SLC6A3: variants seen among roughly 807,000 people sequenced by gnomAD.
The protein encoded by SLC6A3 is sodium-dependent dopamine transporter.
In SLC6A3, 19 loss-of-function variants were observed where a neutral mutation model predicts 70.4. The ratio of observed to expected loss-of-function variants is 0.27; its 90% CI spans 0.19 to 0.40. The LOEUF (loss-of-function observed/expected upper bound fraction) is 0.40, where lower values mean the gene tolerates loss of function less well. Ranked by LOEUF, SLC6A3 falls within the 10% of genes least tolerant of loss-of-function variation. The pLI, the probability that SLC6A3 is intolerant of heterozygous loss-of-function variation, is 1.00. For synonymous variants in SLC6A3, 368 were observed against 356.6 expected (o/e 1.03, Z -0.36); for missense variants, 613 against 838.5 (o/e 0.73, Z 3.32).
At position 1,441,232 on chromosome 5, in the gene SLC6A3, G is replaced by A. The variant is rs1733653303; in HGVS notation, c.418+127C>T. 14 of 1,128,100 alleles carry A rather than the reference G, an allele frequency of 1.2e-5. No individual in the cohort carries two copies. In the South Asian group the frequency reaches 1.6e-4, roughly 13 times the overall value. The allele number at this position is 1,128,100 out of a possible 1,614,324, so 69.9% of individuals were successfully genotyped here. A position where few individuals can be genotyped will look rare whatever the true frequency, so the allele number is the denominator to read the frequency against. On this transcript the variant is annotated intron_variant, in intron 3 of 14. Transcript: ENST00000270349. ...GGTGGGACCCAAGTTCAAGTGGCGTGTGCCATGCCTGTGTCTTAGCAAAGC... is the reference window on the plus strand; with the variant it reads ...GGTGGGACCCAAGTTCAAGTGGCGTATGCCATGCCTGTGTCTTAGCAAAGC...
At chr5:1,414,619 G>T in intron 8 of SLC6A3, 72 bp downstream of exon 8, 1 of 1,569,228 alleles carries the variant, frequency 6.4e-7, no homozygotes, top group South Asian at 1.1e-5. Context: ...CTTTCACAAG[G>T]AAAAAGGCTT....
rs956755066 is a variant in SLC6A3 at position 1,437,047 on chromosome 5, C to T, written c.418+4312G>A. On this transcript the variant is annotated intron_variant, in intron 3 of 14. Transcript: ENST00000270349. The surrounding 1 kb of genome is among the most constrained non-coding windows in gnomAD (Gnocchi z 4.8). ...CAGGCGGATCATGAGGTCAGGCAAT[C>T]GAGACCATCCTGGCTAACACGATGA... Among the ~76,000 whole-genome samples the T allele has an allele frequency of 1.3e-5, 2 of 152,040 alleles. No individual in the cohort carries two copies. Among genetic ancestry groups the T allele is most frequent in the African/African-American group, 4.8e-5 (2 of 41,408 alleles).
chr5:1,416,380 C>A, intron 6 of SLC6A3, 179 bp from the exon 7 acceptor site: 1 of 649,824 alleles, frequency 1.5e-6, no homozygotes, highest in Admixed American at 2.3e-5. Flanking sequence ...TGAACCCTCC[C>A]GGGCCAGCGG....
At chr5:1,431,799 GAGA>G (rs1392671476) in intron 4 of SLC6A3, among the ~76,000 whole-genome samples, 1 of 152,176 alleles carries the variant, frequency 6.6e-6, no homozygotes, top group Non-Finnish European at 1.5e-5. Context: ...AGGGCAAAGG[GAGA>G]AGGAGACAGA....
chr5:1,400,601 C>T (rs956271617), intron 14 of SLC6A3, among the ~76,000 whole-genome samples: 1 of 152,176 alleles, frequency 6.6e-6, no homozygotes, highest in Non-Finnish European at 1.5e-5. Flanking sequence ...TGGTCCTTAA[C>T]CTGGCTCAGC....
At chr5:1,400,373 C>T (rs1045840876) in intron 14 of SLC6A3, among the ~76,000 whole-genome samples, 21 of 152,174 alleles carry the variant, frequency 1.4e-4, no homozygotes, top group Admixed American at 3.9e-4. Context: ...TGCACCTGCT[C>T]CACGGCATGT....
At chr5:1,415,771 TG>T (rs1205471805) in intron 7 of SLC6A3, among the ~76,000 whole-genome samples, 1 of 151,894 alleles carries the variant, frequency 6.6e-6, no homozygotes, top group African/African-American at 2.4e-5. Flanking sequence ...GGGGCTGGTG[TG>T]AGGGAAGAGG....
At chr5:1,395,979 C>A (rs908810576) in intron 14 of SLC6A3, among the ~76,000 whole-genome samples, 5 of 152,198 alleles carry the variant, frequency 3.3e-5, no homozygotes, top group Non-Finnish European at 5.9e-5. Flanking sequence ...AGAAACCAGA[C>A]CTCAATTTGA....
At chr5:1,439,775 C>T (rs1041095681) in intron 3 of SLC6A3, among the ~76,000 whole-genome samples, 7 of 152,232 alleles carry the variant, frequency 4.6e-5, no homozygotes, top group African/African-American at 1.7e-4. Flanking sequence ...ATGCCTGAAT[C>T]CTCCCTGAAC....
At chr5:1,410,311 T>C (rs1268442512) in intron 9 of SLC6A3, among the ~76,000 whole-genome samples, 2 of 152,318 alleles carry the variant, frequency 1.3e-5, no homozygotes, top group Admixed American at 6.5e-5. Context: ...TCCAGGCACC[T>C]GACTCCTGCT....
At position 1,396,556 on chromosome 5, in the gene SLC6A3, G is replaced by A. The variant is rs1004641305; in HGVS notation, c.1840-1798C>T. On this transcript the variant is annotated intron_variant, in intron 14 of 14. Coordinates refer to ENST00000270349, the MANE Select transcript of SLC6A3 (RefSeq NM_001044.5). This position sits in a 1 kb window ranked among gnomAD's most constrained non-coding sequence, Gnocchi z 7.0. ...AGGTGGCTGCAGTTTGCAGGCCAGA[G>A]CGCCAGAGAGGAGGTGGCCACACAG... Among the ~76,000 whole-genome samples, 1 of 152,240 alleles carries A rather than the reference G, an allele frequency of 6.6e-6. No homozygotes were observed. Among genetic ancestry groups the A allele is most frequent in the Non-Finnish European group, 1.5e-5 (1 of 68,046 alleles).
Position 1,441,300 on chromosome 5 carries a change from C to T in SLC6A3, c.418+59G>A, listed in dbSNP as rs956957294. On this transcript the variant is annotated intron_variant, in intron 3 of 14. Coordinates refer to ENST00000270349, the MANE Select transcript of SLC6A3 (RefSeq NM_001044.5). ...ATGCGGCTGGCTTGCTTTGAAAGCT[C>T]CAGCGTCACCACCATGATCCGCGCT... The T allele has an allele frequency of 2.5e-5, 40 of 1,610,232 alleles. No homozygotes were observed. The African/African-American group carries it at 4.5e-4, about 18-fold the overall frequency.
chr5:1,431,048 G>A (rs956917639), intron 4 of SLC6A3, among the ~76,000 whole-genome samples: 3 of 152,036 alleles, frequency 2.0e-5, no homozygotes, highest in African/African-American at 7.2e-5. Context: ...CACTGGATCT[G>A]GGGAGAATCG....
intron 2 of SLC6A3, among the ~76,000 whole-genome samples, 166 bp from the exon 3 acceptor site, chr5:1,441,656 G>A (rs1053787943): frequency 7.9e-5 from 12 of 152,142 alleles, no homozygotes; most frequent in African/African-American, 1.2e-4. Context: ...CCCGAAGCCC[G>A]CCCTCCACTG....
At chr5:1,417,294 G>A (rs562928505) in intron 6 of SLC6A3, among the ~76,000 whole-genome samples, 3 of 151,760 alleles carry the variant, frequency 2.0e-5, no homozygotes, top group South Asian at 2.1e-4. Context: ...TGATGGTGGC[G>A]CCCTGACAAC....
At chr5:1,403,174 G>C (rs541102793) in intron 12 of SLC6A3, 85 bp from the exon 13 acceptor site, 1 of 1,470,486 alleles carries the variant, frequency 6.8e-7, no homozygotes, top group African/African-American at 1.4e-5. Context: ...CTTCATGGCA[G>C]AGCGTCTCTC....
At chr5:1,439,192 G>A (rs1756910491) in intron 3 of SLC6A3, among the ~76,000 whole-genome samples, 2 of 152,204 alleles carry the variant, frequency 1.3e-5, no homozygotes, top group Admixed American at 6.5e-5. Context: ...GGGACCTGAC[G>A]ACGGGGACGG....
chr5:1,417,116 C>T (rs1383554633), intron 6 of SLC6A3, among the ~76,000 whole-genome samples: 1 of 151,900 alleles, frequency 6.6e-6, no homozygotes, highest in Non-Finnish European at 1.5e-5. Context: ...GTGCGCCCTG[C>T]TGCATGATGG....
At chr5:1,430,713 C>T (rs1026080780) in intron 4 of SLC6A3, among the ~76,000 whole-genome samples, 5 of 152,134 alleles carry the variant, frequency 3.3e-5, no homozygotes, top group Admixed American at 1.3e-4. Context: ...GGAGGCTGTG[C>T]GCCCCGAAGG....
Sources: allele counts gnomAD v4.1 joint callset (sites outside exome capture counted in the v4.1 genomes callset), GRCh38; gene constraint gnomAD v4.1.1; non-coding constraint Gnocchi (gnomAD v3.1); transcripts MANE v1.5; gene names NCBI Gene and HGNC (gene_info 2026-07-23, HGNC 2026-07-21).